ARHGAP6: variants seen among roughly 807,000 people sequenced by gnomAD.
ARHGAP6 encodes rho GTPase-activating protein 6.
ARHGAP6 carries 16 observed loss-of-function variants against 55.7 expected under a neutral mutation model. That is an observed-to-expected ratio of 0.29 (90% CI 0.19 to 0.44). The LOEUF (loss-of-function observed/expected upper bound fraction) is 0.44. Among genes scored for constraint, ARHGAP6 ranks in the 20% least tolerant of loss-of-function variants. The pLI is 1.00. For missense variants in ARHGAP6, 698 were observed against 808.9 expected (o/e 0.86, Z 1.66); for synonymous variants, 382 against 360.9 (o/e 1.06, Z -0.66).
rs1010111834 is a variant in ARHGAP6, at chrX:11,187,772, G to A, written c.1077+956C>T. Among the ~76,000 whole-genome samples, 9 of 112,160 alleles carry A rather than the reference G, an allele frequency of 8.0e-5. No homozygotes were observed. The Middle Eastern group carries it at 0.014, about 172-fold the overall frequency. On this transcript the variant is annotated intron_variant, in intron 4 of 12. Transcript: ENST00000337414. ...AGGAAAAAGGGAGAGAGGGTCAGGC[G>A]TGGCGGCTCACGCCTGTGATCCCAG... is the stretch of plus-strand genomic sequence containing the variant.
chrX:11,449,053 A>T (rs984469703), intron 1 of ARHGAP6, among the ~76,000 whole-genome samples: 1 of 111,080 alleles, frequency 9.0e-6, no homozygotes, highest in Non-Finnish European at 1.9e-5. Flanking sequence ...TGGGAACAAG[A>T]TGTTGTGAAA....
chrX:11,472,707 A>T (rs768230999), intron 1 of ARHGAP6, among the ~76,000 whole-genome samples: 1 of 111,760 alleles, frequency 8.9e-6, no homozygotes, highest in Non-Finnish European at 1.9e-5. Context: ...GTAGTCTAGG[A>T]GAAAGACTGT....
At chrX:11,411,217 ATATAT>A (rs2049681801) in intron 1 of ARHGAP6, among the ~76,000 whole-genome samples, 2 of 83,070 alleles carry the variant, frequency 2.4e-5, no homozygotes, top group African/African-American at 4.5e-5. Flanking sequence ...ATATATATAT[ATATAT>A]AAAATATACA....
chrX:11,514,143 C>T (rs1473015295), intron 1 of ARHGAP6, among the ~76,000 whole-genome samples: 4 of 69,720 alleles, frequency 5.7e-5, no homozygotes, highest in Non-Finnish European at 7.3e-5. Context: ...GCCTGGGTGA[C>T]GAAGTGAAAC....
At chrX:11,254,506 G>T in intron 2 of ARHGAP6, 42 bp downstream of exon 2, 2 of 1,188,680 alleles carry the variant, frequency 1.7e-6, no homozygotes, top group African/African-American at 3.5e-5. Context: ...GCCAATATTT[G>T]ACTTGCAGTG....
intron 12 of ARHGAP6, among the ~76,000 whole-genome samples, chrX:11,141,116 TA>T (rs1400202081): frequency 4.5e-5 from 5 of 111,769 alleles, no homozygotes; most frequent in African/African-American, 1.6e-4. Context: ...TTTTAAAATG[TA>T]ATATGGGAGA....
At chrX:11,569,809 G>A (rs961109025) in intron 1 of ARHGAP6, among the ~76,000 whole-genome samples, 1 of 111,757 alleles carries the variant, frequency 8.9e-6, no homozygotes, top group African/African-American at 3.3e-5. Context: ...GGGGTCTCAG[G>A]CTTCATTCCA....
intron 1 of ARHGAP6, among the ~76,000 whole-genome samples, chrX:11,405,610 G>A (rs2049600903): frequency 8.9e-6 from 1 of 111,860 alleles, no homozygotes; most frequent in Non-Finnish European, 1.9e-5. Flanking sequence ...GGAAATCCTT[G>A]GTTCTTAGTC....
intron 1 of ARHGAP6, chrX:11,266,031 G>A (rs2047618293): frequency 1.4e-5 from 9 of 620,806 alleles, no homozygotes; most frequent in African/African-American, 3.0e-5. Context: ...ATGCGTGTGT[G>A]CCTGTGTGTG....
intron 1 of ARHGAP6, among the ~76,000 whole-genome samples, chrX:11,593,499 C>T (rs1211978936): frequency 8.9e-6 from 1 of 111,789 alleles, no homozygotes; most frequent in African/African-American, 3.3e-5. Context: ...CTGTATGATA[C>T]TATAATGGTG....
chrX:11,249,541 A>G (rs2047396173), intron 2 of ARHGAP6, among the ~76,000 whole-genome samples: 2 of 111,347 alleles, frequency 1.8e-5, no homozygotes, highest in Admixed American at 1.9e-4. Flanking sequence ...GAAGTGTATC[A>G]TCCAACTTTT....
intron 1 of ARHGAP6, among the ~76,000 whole-genome samples, chrX:11,576,313 A>G (rs1254594867): frequency 1.8e-5 from 2 of 112,189 alleles, no homozygotes; most frequent in African/African-American, 6.5e-5. Flanking sequence ...ACCATTGTGT[A>G]TGGCATATAT....
intron 2 of ARHGAP6, among the ~76,000 whole-genome samples, chrX:11,210,351 T>A (rs1321327536): frequency 1.8e-5 from 2 of 112,715 alleles, no homozygotes; most frequent in Admixed American, 1.9e-4. Flanking sequence ...AGCCTATTAT[T>A]ACTGATGAAA....
chrX:11,225,846 G>A (rs1447384254), intron 2 of ARHGAP6: 1 of 248,043 alleles, frequency 4.0e-6, no homozygotes, highest in Non-Finnish European at 7.5e-6. Flanking sequence ...TGAATGTATG[G>A]AAAGACCTTT....
chrX:11,487,890 A>G (rs990314419), intron 1 of ARHGAP6, among the ~76,000 whole-genome samples: 12 of 112,442 alleles, frequency 1.1e-4, no homozygotes, highest in African/African-American at 3.9e-4. Context: ...TAACACAGTA[A>G]TAATTAATTT....
At chrX:11,580,202 A>G (rs773479451) in intron 1 of ARHGAP6, among the ~76,000 whole-genome samples, 3 of 112,521 alleles carry the variant, frequency 2.7e-5, no homozygotes. Context: ...AGTGTTCACA[A>G]TTGATTTCAT....
chrX:11,623,461 G>C (rs2052253796), intron 1 of ARHGAP6, among the ~76,000 whole-genome samples: 1 of 110,518 alleles, frequency 9.0e-6, no homozygotes, highest in Non-Finnish European at 1.9e-5. Context: ...GGAGGCTGAG[G>C]TAGGTGGATC....
At chrX:11,486,172 T>C (rs1015411614) in intron 1 of ARHGAP6, among the ~76,000 whole-genome samples, 1 of 111,954 alleles carries the variant, frequency 8.9e-6, no homozygotes, top group Middle Eastern at 4.2e-3. Context: ...CTCTGGGTTA[T>C]AGTGACCTGA....
rs190026882 is a variant in ARHGAP6 at position 11,565,879 on chromosome X, T to A, written c.588+98362A>T. ...AAGCAGTTCAGGTACCAACAGCAGA[T>A]AACAAGCAAAGGTTCAAGAAATCAG... On this transcript the variant is annotated intron_variant, in intron 1 of 12. Coordinates refer to ENST00000337414, the MANE Select transcript of ARHGAP6 (RefSeq NM_013427.3). Among the ~76,000 whole-genome samples the A allele has an allele frequency of 8.1e-5, 9 of 111,775 alleles. No homozygotes were observed. The East Asian group carries it at 2.5e-3, about 31-fold the overall frequency.
Sources: allele counts gnomAD v4.1 joint callset (sites outside exome capture counted in the v4.1 genomes callset), GRCh38; gene constraint gnomAD v4.1.1; transcripts MANE v1.5; gene names NCBI Gene and HGNC (gene_info 2026-07-23, HGNC 2026-07-21).